Variants in TCF4 observed in about 807,000 individuals in gnomAD.
The protein encoded by TCF4 is SL3-3 enhancer factor 2.
In TCF4, 3 loss-of-function variants were observed where a neutral mutation model predicts 82.1. The ratio of observed to expected loss-of-function variants is 0.04; its 90% CI spans 0.02 to 0.09. TCF4 has a LOEUF of 0.09. Ranked by LOEUF, TCF4 falls within the 10% of genes least tolerant of loss-of-function variation. TCF4 has a pLI of 1.00. For missense variants in TCF4, 518 were observed against 852.7 expected, an observed-to-expected ratio of 0.61 and a Z score of 4.89; for synonymous variants, 276 against 309.6, an observed-to-expected ratio of 0.89 and a Z score of 1.14.
intron 1 of TCF4, among the ~76,000 whole-genome samples, chr18:55,634,429 T>C (rs1252731933): frequency 6.6e-6 from 1 of 152,232 alleles, no homozygotes; most frequent in Non-Finnish European, 1.5e-5. Context: ...CTGAGGCTCA[T>C]GTTGTTTTAG....
At chr18:55,374,871 TAA>T (rs5825137) in intron 6 of TCF4, among the ~76,000 whole-genome samples, 2,436 of 67,028 alleles carry the variant, frequency 0.036, 34 homozygotes, top group Middle Eastern at 0.056. Context: ...AGGCCCTGTC[TAA>T]AAAAAAAAAA....
At chr18:55,489,549 G>T (rs1194103701) in intron 3 of TCF4, among the ~76,000 whole-genome samples, 2 of 152,166 alleles carry the variant, frequency 1.3e-5, no homozygotes, top group African/African-American at 2.4e-5. Flanking sequence ...TATAAATGAT[G>T]AAAGTACTGA....
chr18:55,237,078 G>A (rs55755941), intron 15 of TCF4, among the ~76,000 whole-genome samples: 36,510 of 152,052 alleles, frequency 0.24, 4,476 homozygotes, highest in East Asian at 0.32. Flanking sequence ...GAGAAAAAGA[G>A]AACCCATGCA....
intron 5 of TCF4, among the ~76,000 whole-genome samples, chr18:55,420,502 T>C (rs2146930049): frequency 6.6e-6 from 1 of 152,292 alleles, no homozygotes; most frequent in East Asian, 1.9e-4. Context: ...TTCTCCAGTT[T>C]ACTCAGTCAC....
intron 2 of TCF4, among the ~76,000 whole-genome samples, chr18:55,626,956 T>C (rs1260963507): frequency 5.3e-5 from 8 of 152,288 alleles, no homozygotes; most frequent in Non-Finnish European, 8.8e-5. Flanking sequence ...GGCACCAGCT[T>C]CTGTATATGG....
At position 55,510,739 on chromosome 18, in the gene TCF4, T is replaced by C. The variant is rs549643048; in HGVS notation, c.146-46602A>G. On this transcript the variant is annotated intron_variant, in intron 3 of 19. Coordinates refer to ENST00000354452, the MANE Select transcript of TCF4 (RefSeq NM_001083962.2). Reference sequence around the variant, plus strand: ...TAAGGGGCCTTCCTTGTTACTCTCCTGTGCTCCATGGAAACAGAACATGAG... The same window carrying C: ...TAAGGGGCCTTCCTTGTTACTCTCCCGTGCTCCATGGAAACAGAACATGAG... The C allele has an allele frequency of 6.6e-5, 89 of 1,355,252 alleles. 1 individual carries two copies. Among genetic ancestry groups the C allele is most frequent in the Middle Eastern group, 2.0e-4 (1 of 4,920 alleles). The allele number at this position is 1,355,252 out of a possible 1,614,324, so 84.0% of individuals were successfully genotyped here. A position where few individuals can be genotyped will look rare whatever the true frequency, so the allele number is the denominator to read the frequency against.
intron 3 of TCF4, among the ~76,000 whole-genome samples, chr18:55,538,299 A>C (rs553201686): frequency 6.6e-6 from 1 of 152,148 alleles, no homozygotes; most frequent in Non-Finnish European, 1.5e-5. Context: ...TACCCCCTAA[A>C]AGACAAACTA....
At chr18:55,527,924 A>C (rs1314868848) in intron 3 of TCF4, among the ~76,000 whole-genome samples, 1 of 152,222 alleles carries the variant, frequency 6.6e-6, no homozygotes, top group Admixed American at 6.5e-5. Context: ...AGCCTGAACT[A>C]ATTAAGCTCC....
chr18:55,330,131 A>C (rs2077260312), intron 8 of TCF4, among the ~76,000 whole-genome samples: 1 of 151,250 alleles, frequency 6.6e-6, no homozygotes, highest in Non-Finnish European at 1.5e-5. Flanking sequence ...AGATATACCA[A>C]TTTTGTACAT....
chr18:55,333,777 G>A (rs1357305888), intron 8 of TCF4, among the ~76,000 whole-genome samples: 1 of 152,122 alleles, frequency 6.6e-6, no homozygotes, highest in Non-Finnish European at 1.5e-5. Flanking sequence ...AAGTTGAAAG[G>A]CAGGACGAGG....
chr18:55,619,771 T>G (rs753157886), intron 2 of TCF4, among the ~76,000 whole-genome samples: 51 of 152,232 alleles, frequency 3.4e-4, no homozygotes, highest in Non-Finnish European at 6.8e-4. Flanking sequence ...TGTTTCCATT[T>G]CAGGCATCTT....
At chr18:55,418,611 A>G (rs894809851) in intron 5 of TCF4, among the ~76,000 whole-genome samples, 13 of 152,174 alleles carry the variant, frequency 8.5e-5, no homozygotes, top group African/African-American at 3.1e-4. Context: ...ATTATCATTT[A>G]TACTTTCATT....
At chr18:55,239,451 G>C (rs760596674) in intron 15 of TCF4, among the ~76,000 whole-genome samples, 53 of 152,152 alleles carry the variant, frequency 3.5e-4, no homozygotes, top group Admixed American at 7.2e-4. Flanking sequence ...GAGGGGAGGA[G>C]AGTTAGGGGG....
chr18:55,303,267 A>ACACACACACACC (rs1184292058), intron 8 of TCF4, among the ~76,000 whole-genome samples: 1 of 142,092 alleles, frequency 7.0e-6, no homozygotes, highest in African/African-American at 2.6e-5. Flanking sequence ...ACACACACAC[A>ACACACACACACC]CCCCTACACA....
chr18:55,545,609 T>C (rs1014032338), intron 3 of TCF4, among the ~76,000 whole-genome samples: 8 of 152,038 alleles, frequency 5.3e-5, no homozygotes, highest in Non-Finnish European at 8.8e-5. Flanking sequence ...CCACCACACC[T>C]GGCTAATTTT....
At chr18:55,621,139 T>C (rs186087111) in intron 2 of TCF4, among the ~76,000 whole-genome samples, 200 of 151,878 alleles carry the variant, frequency 1.3e-3, no homozygotes, top group African/African-American at 4.3e-3. Flanking sequence ...ATCTTACATT[T>C]CTTCATATAG....
chr18:55,296,468 A>G (rs574310499), intron 8 of TCF4, among the ~76,000 whole-genome samples: 1 of 152,306 alleles, frequency 6.6e-6, no homozygotes, highest in Admixed American at 6.5e-5. Flanking sequence ...ATGAGCAGGA[A>G]CTCAAGTCAT....
intron 8 of TCF4, chr18:55,321,777 A>T: frequency 2.6e-6 from 4 of 1,512,734 alleles, no homozygotes; most frequent in Non-Finnish European, 3.5e-6. Flanking sequence ...CCACTCTAAC[A>T]ACTTTTATTT....
chr18:55,456,410 T>C (rs2095755380), intron 5 of TCF4, among the ~76,000 whole-genome samples: 1 of 152,200 alleles, frequency 6.6e-6, no homozygotes, highest in Admixed American at 6.5e-5. Flanking sequence ...CCATTCAAAA[T>C]GGGCCATGTG....
Sources: gnomAD v4.1 joint callset for allele counts (sites outside exome capture counted in the v4.1 genomes callset) on GRCh38, gnomAD v4.1.1 for gene constraint, MANE v1.5 for transcripts, NCBI Gene and HGNC (gene_info 2026-07-23, HGNC 2026-07-21) for gene names.